PLEKHA6: variants seen among roughly 807,000 people sequenced by gnomAD.
The protein encoded by PLEKHA6 is pleckstrin homology domain-containing family A member 6.
In PLEKHA6, 60 loss-of-function variants were observed where a neutral mutation model predicts 116.7. The observed-to-expected ratio is 0.51, with a 90% CI of 0.42 to 0.64. The LOEUF is 0.64. Among genes scored for constraint, PLEKHA6 ranks in the 30% least tolerant of loss-of-function variants. The probability of loss-of-function intolerance (pLI) is 0.00; values close to 1 mark genes in which losing one functional copy is unlikely to be tolerated. For missense variants in PLEKHA6, 1,338 were observed against 1,422.7 expected (o/e 0.94, Z 0.96); for synonymous variants, 489 against 556.1 (o/e 0.88, Z 1.70).
chr1:204,305,541 A>G (rs533541475), intron 1 of PLEKHA6, among the ~76,000 whole-genome samples: 27 of 152,346 alleles, frequency 1.8e-4, no homozygotes, highest in African/African-American at 6.5e-4. Flanking sequence ...CACACTGCTT[A>G]GGGAAGAAGA....
intron 1 of PLEKHA6, among the ~76,000 whole-genome samples, chr1:204,314,511 T>A (rs1280216499): frequency 6.6e-6 from 1 of 152,040 alleles, no homozygotes; most frequent in Non-Finnish European, 1.5e-5. Context: ...TGGCCACCAC[T>A]CCCCCTGGCC....
intron 8 of PLEKHA6, 150 bp from the exon 9 acceptor site, chr1:204,258,019 C>T: frequency 1.5e-6 from 1 of 671,882 alleles, no homozygotes. Flanking sequence ...GGGAAAGACT[C>T]CTGTCCTCAC....
intron 1 of PLEKHA6, among the ~76,000 whole-genome samples, chr1:204,342,733 A>G (rs976883504): frequency 9.9e-5 from 15 of 152,210 alleles, no homozygotes; most frequent in African/African-American, 2.9e-4. Context: ...CTTTTCCCCT[A>G]TAGCCTGGGA....
intron 1 of PLEKHA6, among the ~76,000 whole-genome samples, chr1:204,304,405 G>T (rs1671099204): frequency 1.3e-5 from 2 of 152,308 alleles, no homozygotes; most frequent in African/African-American, 4.8e-5. Context: ...GGGAAAGATG[G>T]TAGTGACAAG....
chr1:204,282,712 G>A, intron 1 of PLEKHA6: 1 of 985,364 alleles, frequency 1.0e-6, no homozygotes, highest in South Asian at 4.7e-5. Flanking sequence ...GGCAGGCTGG[G>A]AGACACTTTC....
chr1:204,311,682 A>G, intron 1 of PLEKHA6: 5 of 970,640 alleles, frequency 5.2e-6, no homozygotes, highest in Non-Finnish European at 6.1e-6. Context: ...TTGGAACTGA[A>G]AGTACCTTTG....
chr1:204,361,662 G>T (rs1240954573), upstream of PLEKHA6, among the ~76,000 whole-genome samples: 1 of 152,242 alleles, frequency 6.6e-6, no homozygotes, highest in Non-Finnish European at 1.5e-5. Flanking sequence ...TGAAGGGGCA[G>T]ACAAGTTGTG....
At chr1:204,349,323 G>A (rs111321031) in intron 1 of PLEKHA6, among the ~76,000 whole-genome samples, 15,061 of 152,140 alleles carry the variant, frequency 0.099, 1,707 homozygotes, top group African/African-American at 0.28. Flanking sequence ...CGGATCACTT[G>A]AGGTCAGGAG....
At position 204,241,481 on chromosome 1, in the gene PLEKHA6, A is replaced by G. The variant is rs745742820; in HGVS notation, c.2303T>C (p.Val768Ala). 3.8e-5 allele frequency: 60 copies of G among 1,594,834 alleles called. No homozygotes were observed. Among genetic ancestry groups the G allele is most frequent in the Non-Finnish European group, 5.0e-5 (59 of 1,169,872 alleles). ...EAEKQAALNK[V>A]GVVPPRTKSP... ...TTTTGTCCGAGGGGGCACAACGCCA[A>G]CTGCAGAAAGACAGAGTAGCCAGTG... The change falls in exon 17 of 23, where the codon GTT becomes GCT. Residue 768 changes from valine to alanine, a missense_variant and splice_region_variant. Val to Ala is a moderately conservative substitution (Grantham distance 64, BLOSUM62 0). Around this residue, in one of 3 missense-constraint regions of PLEKHA6, gnomAD observed 1,136 missense variants for 1,163.6 expected, o/e 0.98. Transcript: ENST00000272203.
intron 1 of PLEKHA6, among the ~76,000 whole-genome samples, chr1:204,283,478 C>T (rs1043662127): frequency 2.6e-5 from 4 of 152,302 alleles, no homozygotes; most frequent in South Asian, 4.1e-4. Context: ...AAAAATAAAA[C>T]GCATGCAATC....
At chr1:204,316,083 C>T (rs988604567) in intron 1 of PLEKHA6, among the ~76,000 whole-genome samples, 11 of 152,184 alleles carry the variant, frequency 7.2e-5, no homozygotes, top group African/African-American at 2.7e-4. Context: ...TCCCACGATG[C>T]ATGTAATGCA....
intron 18 of PLEKHA6, 89 bp downstream of exon 18, chr1:204,230,324 C>T: frequency 9.2e-7 from 1 of 1,089,354 alleles, no homozygotes; most frequent in South Asian, 1.8e-5. Flanking sequence ...TCCTCTCAAA[C>T]CCCCCAGGCC....
Position 204,351,222 on chromosome 1 carries a change from G to A in PLEKHA6, c.-95+8472C>T, listed in dbSNP as rs575003639. Among the ~76,000 whole-genome samples, 506 of 152,276 alleles carry A rather than the reference G, an allele frequency of 3.3e-3. 3 individuals carry two copies. Among genetic ancestry groups the A allele is most frequent in the African/African-American group, 0.012 (496 of 41,562 alleles). ...GTGTGGCGGGGGGGAGGTGGCCTAC[G>A]TGCCTGAGATAACTAAGTTCCTGCT... On this transcript the variant is annotated intron_variant, in intron 1 of 22. Transcript: ENST00000272203.
chr1:204,369,180 G>T (rs1416788442), intron 2 of PLEKHA6: 1 of 152,180 alleles, frequency 6.6e-6, no homozygotes, highest in Non-Finnish European at 1.5e-5. Flanking sequence ...CTTCCTCTAA[G>T]CTATGCACTT....
chr1:204,333,151 G>A lies in PLEKHA6; in HGVS notation c.-95+26543C>T, dbSNP rs76877494. On this transcript the variant is annotated intron_variant, in intron 1 of 22. Coordinates refer to ENST00000272203, the MANE Select transcript of PLEKHA6 (RefSeq NM_014935.5). Reference sequence around the variant, plus strand: ...CCAGAGGCCCCCAGCTCCACCAGGCGGGAAATGAAAACTGGCTGAGTGAAC... The same window carrying A: ...CCAGAGGCCCCCAGCTCCACCAGGCAGGAAATGAAAACTGGCTGAGTGAAC... Among the ~76,000 whole-genome samples, 417 of 152,304 alleles carry A rather than the reference G, an allele frequency of 2.7e-3. 3 individuals carry two copies. The Middle Eastern group carries it at 0.031, about 11-fold the overall frequency.
intron 1 of PLEKHA6, among the ~76,000 whole-genome samples, chr1:204,278,723 T>A (rs1338748790): frequency 6.6e-6 from 1 of 152,224 alleles, no homozygotes; most frequent in Non-Finnish European, 1.5e-5. Flanking sequence ...AAATGATTTA[T>A]CCTGGTGACA....
At chr1:204,269,653 T>A (rs1266815724) in intron 3 of PLEKHA6, among the ~76,000 whole-genome samples, 2 of 151,962 alleles carry the variant, frequency 1.3e-5, no homozygotes, top group African/African-American at 4.8e-5. Flanking sequence ...ACTCCCTCAA[T>A]GTCACACCCT....
At chr1:204,346,414 A>AGGAG (rs35672979) in intron 1 of PLEKHA6, among the ~76,000 whole-genome samples, 136,590 of 151,836 alleles carry the variant, frequency 0.9, 61,625 homozygotes, top group East Asian at 0.95. Context: ...TGGGCACCTG[A>AGGAG]GGGTGGCCAG....
In PLEKHA6 at chr1:204,223,665, C is replaced by A; in HGVS notation, c.3032-80G>T. On this transcript the variant is annotated intron_variant, in intron 21 of 22. Coordinates refer to ENST00000272203, the MANE Select transcript of PLEKHA6 (RefSeq NM_014935.5). This position sits in a 1 kb window ranked among gnomAD's most constrained non-coding sequence, Gnocchi z 4.8. ...GGCACCCAGAGCAAGCGAGGCCCTC[C>A]CCAGGCAGGGAGTGAGGCAGGGAGG... 1 of 658,386 alleles carries A rather than the reference C, an allele frequency of 1.5e-6. No homozygotes were observed. Among genetic ancestry groups the A allele is most frequent in the Admixed American group, 2.4e-5 (1 of 41,138 alleles). The allele number at this position is 658,386 out of a possible 1,614,324, so 40.8% of individuals were successfully genotyped here.
Sources: allele counts gnomAD v4.1 joint callset (sites outside exome capture counted in the v4.1 genomes callset), GRCh38; gene constraint gnomAD v4.1.1; regional missense constraint gnomAD v4.1.1; non-coding constraint Gnocchi (gnomAD v3.1); transcripts MANE v1.5; gene names NCBI Gene and HGNC (gene_info 2026-07-23, HGNC 2026-07-21).